MGST1: variants seen among roughly 807,000 people sequenced by gnomAD.
The protein encoded by MGST1 is microsomal glutathione S-transferase 1, also known as glutathione S-transferase 12.
A neutral mutation model predicts 8.9 loss-of-function variants in MGST1; 5 were observed. The ratio of observed to expected loss-of-function variants is 0.56; its 90% CI spans 0.29 to 1.19. MGST1 has a LOEUF of 1.19. MGST1 is among the 50% of genes most tolerant of loss of function. MGST1 has a pLI of 0.08. For missense variants in MGST1, 182 were observed against 187.4 expected, an observed-to-expected ratio of 0.97 and a Z score of 0.17; for synonymous variants, 54 against 67.8, an observed-to-expected ratio of 0.80 and a Z score of 1.00.
intron 1 of MGST1, among the ~76,000 whole-genome samples, chr12:16,420,170 TA>T (rs1940822363): frequency 6.6e-6 from 1 of 152,162 alleles, no homozygotes; most frequent in Admixed American, 6.6e-5. Flanking sequence ...ATGAGTGACT[TA>T]AAAATATATA....
At chr12:16,469,118 T>A (rs1447458331) in intron 4 of MGST1, among the ~76,000 whole-genome samples, 1 of 152,070 alleles carries the variant, frequency 6.6e-6, no homozygotes, top group Non-Finnish European at 1.5e-5. Context: ...TTCTGTGATA[T>A]CTTTGTTACT....
chr12:16,444,137 C>G (rs1346032133), intron 4 of MGST1, among the ~76,000 whole-genome samples: 1 of 150,104 alleles, frequency 6.7e-6, no homozygotes, highest in Non-Finnish European at 1.5e-5. Flanking sequence ...TGGACCAACA[C>G]TGAAGTGGAT....
At position 16,435,710 on chromosome 12, in the gene MGST1, T is replaced by C. The variant is rs115434857; in HGVS notation, n.779-1678T>C. Among the ~76,000 whole-genome samples, 968 of 151,934 alleles carry C rather than the reference T, an allele frequency of 6.4e-3. 9 individuals carry two copies. Among genetic ancestry groups the C allele is most frequent in the African/African-American group, 0.022 (915 of 41,430 alleles). Reference sequence around the variant, plus strand: ...ATAATTCTAAAAGTTGTGAAAAGACTTGTAACCCTAGACTTCTAAGATTAA... The same window carrying C: ...ATAATTCTAAAAGTTGTGAAAAGACCTGTAACCCTAGACTTCTAAGATTAA... On this transcript the variant is annotated intron_variant and non_coding_transcript_variant, in intron 1 of 1. Coordinates refer to the MGST1 transcript ENST00000359720.
chr12:16,472,736 G>A (rs1442047623), intron 4 of MGST1, among the ~76,000 whole-genome samples: 2 of 152,110 alleles, frequency 1.3e-5, no homozygotes, highest in African/African-American at 4.8e-5. Flanking sequence ...GGGATACTTA[G>A]GTAGTGAATG....
Position 16,586,381 on chromosome 12 carries a change from G to A in MGST1, n.483-3147G>A, listed in dbSNP as rs1479700856. The stretch of plus-strand genomic sequence containing the variant: ...GAGAACCACTGCATGGCTGTGGCAA[G>A]GAGAGCGGAGGATCCTAATCTTCCC... On this transcript the variant is annotated intron_variant and non_coding_transcript_variant, in intron 4 of 4. Coordinates refer to the MGST1 transcript ENST00000538857. This position sits in a 1 kb window ranked among gnomAD's most constrained non-coding sequence, Gnocchi z 4.3. 1.3e-5 allele frequency among the ~76,000 whole-genome samples: 2 copies of A among 152,140 alleles called. No homozygotes were observed. The highest frequency in any genetic ancestry group is 4.8e-5 in the African/African-American group (2 of 41,440).
intron 1 of MGST1, chr12:16,383,647 G>C (rs1940478092): frequency 6.6e-6 from 1 of 152,118 alleles, no homozygotes; most frequent in African/African-American, 2.4e-5. Flanking sequence ...TTTTAGTAGA[G>C]ATGGGGTTTC....
intron 4 of MGST1, among the ~76,000 whole-genome samples, chr12:16,508,822 C>T (rs983845070): frequency 2.0e-5 from 3 of 152,130 alleles, no homozygotes; most frequent in Non-Finnish European, 2.9e-5. Context: ...TAAGCAGTTG[C>T]TTGCCTGTGT....
At chr12:16,581,555 A>G (rs1943160052) in intron 4 of MGST1, among the ~76,000 whole-genome samples, 1 of 152,190 alleles carries the variant, frequency 6.6e-6, no homozygotes, top group Non-Finnish European at 1.5e-5. Context: ...TATAGAGTAA[A>G]TCCTCAAGAA....
rs7316305 is a variant in MGST1, at chr12:16,584,160, T to A, written n.483-5368T>A. Among the ~76,000 whole-genome samples, 148,596 of 152,196 alleles carry A rather than the reference T, an allele frequency of 0.98. 72,635 individuals carry two copies. The highest frequency in any genetic ancestry group is 1 in the South Asian group (4,818 of 4,818). On this transcript the variant is annotated intron_variant and non_coding_transcript_variant, in intron 4 of 4. Coordinates refer to the MGST1 transcript ENST00000538857. This position sits in a 1 kb window ranked among gnomAD's most constrained non-coding sequence, Gnocchi z 5.2. The stretch of plus-strand genomic sequence containing the variant: ...GTAAGAGGGAAATGACAGCAGTGAG[T>A]AGGGGTAAAAGGTAGTATAATTAGA...
chr12:16,446,201 T>C (rs2137108068), intron 4 of MGST1, among the ~76,000 whole-genome samples: 2 of 152,078 alleles, frequency 1.3e-5, no homozygotes, highest in Middle Eastern at 6.8e-3. Context: ...AAATGACCAA[T>C]AGCAATATCT....
chr12:16,355,561 C>G (rs936337139), intron 2 of MGST1, among the ~76,000 whole-genome samples: 4 of 152,144 alleles, frequency 2.6e-5, no homozygotes, highest in African/African-American at 9.7e-5. Flanking sequence ...ACCTCTCATG[C>G]ACTGATGTGT....
intron 4 of MGST1, among the ~76,000 whole-genome samples, chr12:16,464,310 C>T (rs920934913): frequency 1.3e-5 from 2 of 152,128 alleles, no homozygotes; most frequent in Admixed American, 6.5e-5. Flanking sequence ...TTCCAAGCTT[C>T]ATCTTTCTTT....
At chr12:16,371,740 T>G (rs1006141422) in intron 3 of MGST1, among the ~76,000 whole-genome samples, 10 of 152,090 alleles carry the variant, frequency 6.6e-5, no homozygotes, top group African/African-American at 2.4e-4. Flanking sequence ...ATATGGAAAT[T>G]TGTTTTCCTT....
At chr12:16,519,062 G>A (rs115321189) in intron 4 of MGST1, among the ~76,000 whole-genome samples, 1,986 of 152,286 alleles carry the variant, frequency 0.013, 50 homozygotes, top group African/African-American at 0.046. Context: ...AGTGGAAAGA[G>A]CTCAGGCTCT....
At chr12:16,381,057 G>C (rs1167379254), downstream of MGST1, among the ~76,000 whole-genome samples, 3 of 152,006 alleles carry the variant, frequency 2.0e-5, no homozygotes, top group Non-Finnish European at 4.4e-5. Flanking sequence ...AGATGCACCT[G>C]AATACAGCAC....
rs1192478125 is a variant in MGST1 at position 16,585,474 on chromosome 12, C to A, written n.483-4054C>A. On this transcript the variant is annotated intron_variant and non_coding_transcript_variant, in intron 4 of 4. Transcript: ENST00000538857. This position sits in a 1 kb window ranked among gnomAD's most constrained non-coding sequence, Gnocchi z 4.7. Reference sequence around the variant, plus strand: ...CATAAATGTTGTTTCAAATATTGTTCCCAAATATTATTCAAATTCACCTAA... The same window carrying A: ...CATAAATGTTGTTTCAAATATTGTTACCAAATATTATTCAAATTCACCTAA... 2.0e-5 allele frequency among the ~76,000 whole-genome samples: 3 copies of A among 152,118 alleles called. No homozygotes were observed. Among genetic ancestry groups the A allele is most frequent in the Non-Finnish European group, 4.4e-5 (3 of 68,022 alleles).
intron 4 of MGST1, among the ~76,000 whole-genome samples, chr12:16,577,517 T>C (rs1000363048): frequency 1.3e-5 from 2 of 152,174 alleles, no homozygotes; most frequent in African/African-American, 4.8e-5. Flanking sequence ...TCAATATTTA[T>C]TGAGTACCTA....
chr12:16,387,655 T>C (rs1429119634), intron 1 of MGST1, among the ~76,000 whole-genome samples: 1 of 151,740 alleles, frequency 6.6e-6, no homozygotes, highest in East Asian at 1.9e-4. Context: ...GCCTCCCGAG[T>C]AGCTGGGACT....
At chr12:16,581,186 C>T (rs780773646) in intron 4 of MGST1, among the ~76,000 whole-genome samples, 3 of 152,278 alleles carry the variant, frequency 2.0e-5, no homozygotes, top group South Asian at 4.1e-4. Flanking sequence ...ATGGGGACCT[C>T]GGAGTAAGTC....
Sources: gnomAD v4.1 joint callset for allele counts (sites outside exome capture counted in the v4.1 genomes callset) on GRCh38, gnomAD v4.1.1 for gene constraint, Gnocchi (gnomAD v3.1) non-coding constraint, MANE v1.5 for transcripts, NCBI Gene and HGNC (gene_info 2026-07-23, HGNC 2026-07-21) for gene names.